Variants in PDE8A observed in about 807,000 individuals in gnomAD.
The protein encoded by PDE8A is high affinity cAMP-specific and IBMX-insensitive 3',5'-cyclic phosphodiesterase 8A.
A neutral mutation model predicts 105.0 loss-of-function variants in PDE8A; 59 were observed. The ratio of observed to expected loss-of-function variants is 0.56; its 90% confidence interval spans 0.46 to 0.70. PDE8A has a LOEUF of 0.70. Ranked by LOEUF, PDE8A falls within the 30% of genes least tolerant of loss-of-function variation. PDE8A has a pLI of 0.00. For missense variants in PDE8A, 1,014 were observed against 1,045.9 expected, an observed-to-expected ratio of 0.97 and a Z score of 0.42; for synonymous variants, 355 against 371.9, an observed-to-expected ratio of 0.95 and a Z score of 0.52.
chr15:85,068,238 C>G (rs2081260915), intron 3 of PDE8A, among the ~76,000 whole-genome samples: 1 of 152,018 alleles, frequency 6.6e-6, no homozygotes. Flanking sequence ...CGGTGTTTGA[C>G]CATATTGGCC....
chr15:85,117,672 G>T lies in PDE8A; in HGVS notation c.1567G>T (p.Ala523Ser). ...GATTTATCTTGGTCTCAAAATGTTTGCTCGCTTTGGAATCTGTGAATTCTT... is the reference window on the plus strand; with the variant it reads ...GATTTATCTTGGTCTCAAAATGTTTTCTCGCTTTGGAATCTGTGAATTCTT... ...PLIYLGLKMF[A>S]RFGICEFLHC... The change falls in exon 17 of 22, where the codon GCT becomes TCT. Residue 523 changes from alanine (A) to serine (S), a missense_variant. Physicochemically the swap from Ala to Ser is moderately conservative, Grantham distance 99. Coordinates refer to ENST00000394553, the MANE Select transcript of PDE8A (RefSeq NM_002605.3). 1 of 1,614,072 alleles carries T rather than the reference G, an allele frequency of 6.2e-7. No homozygotes were observed. The highest frequency in any genetic ancestry group is 8.5e-7 in the Non-Finnish European group (1 of 1,179,970).
chr15:85,092,920 CTTTTT>C (rs5814181), intron 8 of PDE8A, among the ~76,000 whole-genome samples: 9 of 132,034 alleles, frequency 6.8e-5, no homozygotes, highest in Non-Finnish European at 1.3e-4. Context: ...TACTGCTTTC[CTTTTT>C]TTTTTTTTTT....
chr15:85,083,216 A>G (rs1445947643), intron 5 of PDE8A, among the ~76,000 whole-genome samples: 2 of 152,216 alleles, frequency 1.3e-5, no homozygotes, highest in African/African-American at 2.4e-5. Context: ...GACTTTAGTT[A>G]ATGAATTTCC....
chr15:85,103,095 G>A (rs576666461), intron 11 of PDE8A, among the ~76,000 whole-genome samples: 2 of 152,102 alleles, frequency 1.3e-5, no homozygotes, highest in Non-Finnish European at 2.9e-5. Flanking sequence ...GGTGACACGC[G>A]CCAGTAGTCC....
At chr15:85,046,328 C>T (rs1038390322) in intron 1 of PDE8A, among the ~76,000 whole-genome samples, 3 of 152,090 alleles carry the variant, frequency 2.0e-5, no homozygotes, top group Non-Finnish European at 2.9e-5. Context: ...GGATTACAGG[C>T]GTGAGGCACC....
intron 1 of PDE8A, among the ~76,000 whole-genome samples, chr15:85,060,126 T>TAAA (rs1596479578): frequency 1.3e-5 from 2 of 152,396 alleles, no homozygotes; most frequent in East Asian, 3.8e-4. Context: ...TGTCTTCTTT[T>TAAA]GTGTTCAGTT....
intron 1 of PDE8A, among the ~76,000 whole-genome samples, chr15:85,029,835 T>G (rs2080582123): frequency 6.6e-6 from 1 of 152,110 alleles, no homozygotes; most frequent in Non-Finnish European, 1.5e-5. Flanking sequence ...ACATAAGAAG[T>G]CTAGAGTCTG....
At chr15:85,087,194 G>T (rs1057389262) in intron 6 of PDE8A, among the ~76,000 whole-genome samples, 3 of 151,476 alleles carry the variant, frequency 2.0e-5, no homozygotes, top group African/African-American at 7.3e-5. Context: ...TAATGTAAAG[G>T]CATTGTTTTT....
At chr15:85,107,087 G>A (rs2081958160) in intron 11 of PDE8A, among the ~76,000 whole-genome samples, 1 of 152,164 alleles carries the variant, frequency 6.6e-6, no homozygotes, top group South Asian at 2.1e-4. Context: ...CAGCACTGTT[G>A]GGGTGGTGTG....
intron 1 of PDE8A, among the ~76,000 whole-genome samples, chr15:84,996,216 G>GA (rs2079973458): frequency 2.6e-5 from 4 of 151,742 alleles, no homozygotes; most frequent in African/African-American, 9.7e-5. Flanking sequence ...CCAGGGTCTT[G>GA]CTCTGTTGCC....
upstream of PDE8A, among the ~76,000 whole-genome samples, chr15:84,981,689 G>C (rs572810185): frequency 6.6e-6 from 1 of 150,918 alleles, no homozygotes; most frequent in South Asian, 2.1e-4. Context: ...CTGGAGCCGG[G>C]GAGGCGGCGG....
intron 11 of PDE8A, among the ~76,000 whole-genome samples, chr15:85,104,990 A>G (rs1213437655): frequency 3.3e-5 from 5 of 152,132 alleles, no homozygotes; most frequent in Admixed American, 2.6e-4. Context: ...GTAAGCAAAT[A>G]AACATACAGT....
At chr15:85,136,011 A>G (rs1049058998) in intron 20 of PDE8A, among the ~76,000 whole-genome samples, 18 of 152,152 alleles carry the variant, frequency 1.2e-4, no homozygotes, top group African/African-American at 3.9e-4. Flanking sequence ...GGACGGCTGG[A>G]CTGTGATAGG....
intron 1 of PDE8A, among the ~76,000 whole-genome samples, chr15:85,022,426 GTTTTTTTTT>G (rs3042744): frequency 2.2e-5 from 3 of 134,466 alleles, no homozygotes; most frequent in Admixed American, 1.5e-4. Context: ...TATTGGAAGT[GTTTTTTTTT>G]TTTTTTTTGT....
intron 1 of PDE8A, among the ~76,000 whole-genome samples, chr15:85,040,382 A>G (rs2141393521): frequency 1.3e-5 from 2 of 150,990 alleles, no homozygotes; most frequent in South Asian, 2.1e-4. Context: ...AAAAAAAAAA[A>G]AAAAAAAAGA....
intron 3 of PDE8A, among the ~76,000 whole-genome samples, chr15:85,070,331 T>C (rs1277863550): frequency 2.0e-5 from 3 of 152,218 alleles, no homozygotes; most frequent in East Asian, 1.9e-4. Flanking sequence ...AACCCTACGT[T>C]GTAAGTCTCC....
intron 11 of PDE8A, among the ~76,000 whole-genome samples, chr15:85,105,697 A>G (rs2081937710): frequency 6.6e-6 from 1 of 152,156 alleles, no homozygotes; most frequent in Admixed American, 6.5e-5. Context: ...CAGAGACATG[A>G]AGTTGCAGGT....
intron 21 of PDE8A, among the ~76,000 whole-genome samples, chr15:85,136,932 C>T (rs907593133): frequency 3.3e-5 from 5 of 152,098 alleles, no homozygotes. Context: ...GGGTTCAAAA[C>T]CAATCGTGCT....
intron 2 of PDE8A, among the ~76,000 whole-genome samples, chr15:85,065,506 C>G (rs1477212510): frequency 4.7e-5 from 7 of 150,034 alleles, no homozygotes; most frequent in African/African-American, 1.7e-4. Context: ...AAGAAAACAA[C>G]CAATTGAAAT....
Sources: allele counts gnomAD v4.1 joint callset (sites outside exome capture counted in the v4.1 genomes callset), GRCh38; gene constraint gnomAD v4.1.1; transcripts MANE v1.5; gene names NCBI Gene and HGNC (gene_info 2026-07-23, HGNC 2026-07-21).